The following PDE5A variants were observed in gnomAD, a reference collection of about 807,000 sequenced individuals.
PDE5A encodes the protein phosphodiesterase 5A.
A neutral mutation model predicts 110.2 loss-of-function variants in PDE5A; 67 were observed. The observed-to-expected ratio is 0.61, with a 90% CI of 0.50 to 0.75. The LOEUF (loss-of-function observed/expected upper bound fraction) is 0.75, where lower values mean the gene tolerates loss of function less well. Among genes scored for constraint, PDE5A ranks in the 30% least tolerant of loss-of-function variants. The pLI is 0.00. For missense variants in PDE5A, 862 were observed against 1,045.1 expected (o/e 0.82, Z 2.42); for synonymous variants, 328 against 351.2 (o/e 0.93, Z 0.74).
rs1347468882 is a variant in PDE5A at position 119,501,190 on chromosome 4, T to TG, written c.2469dup (p.Ile824HisfsTer7). 1 of 1,609,702 alleles carries TG rather than the reference T, an allele frequency of 6.2e-7. No homozygotes were observed. ...AATACCTCATACAGTTGCAAGCAGATGGCATCTATGAACCCAACTTGCATA... is the reference window on the plus strand; with the variant it reads ...AATACCTCATACAGTTGCAAGCAGATGGGCATCTATGAACCCAACTTGCATA... On this transcript the variant is annotated frameshift_variant, in exon 20 of 21. Transcript: ENST00000354960. LOFTEE classifies it high-confidence loss of function.
chr4:119,506,113 T>C (rs1345237399), intron 16 of PDE5A, among the ~76,000 whole-genome samples, 181 bp from the exon 17 acceptor site: 1 of 151,768 alleles, frequency 6.6e-6, no homozygotes, highest in East Asian at 1.9e-4. Flanking sequence ...CCCCCTTCTA[T>C]CATTTGCTTT....
chr4:119,514,257 A>T (rs1330844943), intron 14 of PDE5A, among the ~76,000 whole-genome samples: 1 of 152,158 alleles, frequency 6.6e-6, no homozygotes, highest in African/African-American at 2.4e-5. Flanking sequence ...AGCCTTAGAA[A>T]TCTATAGAAA....
At chr4:119,576,941 CA>C (rs1015053263) in intron 3 of PDE5A, among the ~76,000 whole-genome samples, 2 of 140,270 alleles carry the variant, frequency 1.4e-5, no homozygotes, top group African/African-American at 5.1e-5. Context: ...AGACTGCTAG[CA>C]AGACTAATAA....
intron 8 of PDE5A, 30 bp from the exon 9 acceptor site, chr4:119,552,667 T>C (rs1379146681): frequency 1.7e-6 from 2 of 1,198,416 alleles, no homozygotes; most frequent in Admixed American, 2.6e-5. Flanking sequence ...ACAAAACAGC[T>C]AAAATGGTAA....
rs1399807633 is a variant in PDE5A at position 119,525,853 on chromosome 4, CT to C, written c.1633-159del. 6.6e-6 allele frequency among the ~76,000 whole-genome samples: 1 copy of C among 151,968 alleles called. No individual in the cohort carries two copies. The highest frequency in any genetic ancestry group is 2.4e-5 in the African/African-American group (1 of 41,372). On this transcript the variant is annotated intron_variant, in intron 11 of 20. Coordinates refer to ENST00000354960, the MANE Select transcript of PDE5A (RefSeq NM_001083.4). This position sits in a 1 kb window ranked among gnomAD's most constrained non-coding sequence, Gnocchi z 4.3. Reference sequence around the variant, plus strand: ...ACCTTTTTGTACAGTGGCAACTCCACTCTCTGCATTTTTAAAACTGAGCCAC... The same window carrying C: ...ACCTTTTTGTACAGTGGCAACTCCACCTCTGCATTTTTAAAACTGAGCCAC...
chr4:119,585,582 AAG>A (rs1280912020), intron 3 of PDE5A, among the ~76,000 whole-genome samples: 1 of 152,202 alleles, frequency 6.6e-6, no homozygotes, highest in Non-Finnish European at 1.5e-5. Context: ...GTTTTAAGGA[AAG>A]AGAAAAATAA....
chr4:119,627,261 T>C lies in PDE5A; in HGVS notation c.152+1259A>G, dbSNP rs1730385520. 1 of 1,587,816 alleles carries C rather than the reference T, an allele frequency of 6.3e-7. No individual in the cohort carries two copies. The highest frequency in any genetic ancestry group is 2.3e-5 in the East Asian group (1 of 42,800). On this transcript the variant is annotated intron_variant, in intron 1 of 20. Coordinates refer to ENST00000354960, the MANE Select transcript of PDE5A (RefSeq NM_001083.4). The surrounding 1 kb of genome is among the most constrained non-coding windows in gnomAD (Gnocchi z 4.6). ...GGGGCAACAACGCGCGCAGGTGAGGTGAGGTGAGGTCGGCGACTCAGAACC... is the reference window on the plus strand; with the variant it reads ...GGGGCAACAACGCGCGCAGGTGAGGCGAGGTGAGGTCGGCGACTCAGAACC...
intron 12 of PDE5A, among the ~76,000 whole-genome samples, chr4:119,522,111 A>G (rs1421012340): frequency 6.6e-6 from 1 of 152,110 alleles, no homozygotes; most frequent in African/African-American, 2.4e-5. Context: ...AACTGCTTAT[A>G]AAGAACTTGG....
chr4:119,510,172 C>T (rs1725689071), intron 15 of PDE5A, among the ~76,000 whole-genome samples: 1 of 151,930 alleles, frequency 6.6e-6, no homozygotes, highest in South Asian at 2.1e-4. Flanking sequence ...CCCAGGAGTA[C>T]ACATTTTTGT....
intron 11 of PDE5A, among the ~76,000 whole-genome samples, chr4:119,528,339 G>A (rs1031329147): frequency 1.3e-5 from 2 of 152,084 alleles, no homozygotes. Context: ...TAATCTTTGA[G>A]TGCAGGAATG....
rs537615972 is a variant in PDE5A, at chr4:119,562,583, A to G, written c.1131+250T>C. On this transcript the variant is annotated intron_variant, in intron 6 of 20. Coordinates refer to ENST00000354960, the MANE Select transcript of PDE5A (RefSeq NM_001083.4). Reference sequence around the variant, plus strand: ...AGCAGCACACAGACATTCCCATGGTAACTATTTTCAGGAGGTTGGGATGGG... The same window carrying G: ...AGCAGCACACAGACATTCCCATGGTGACTATTTTCAGGAGGTTGGGATGGG... Among the ~76,000 whole-genome samples, 177 of 152,212 alleles carry G rather than the reference A, an allele frequency of 1.2e-3. 2 individuals are homozygous for G. Among genetic ancestry groups the G allele is most frequent in the Admixed American group, 1.2e-3 (19 of 15,286 alleles).
chr4:119,553,655 T>C lies in PDE5A; in HGVS notation c.1291A>G (p.Lys431Glu). ...PLNIPDVSKD[K>E]RFPWTTENTG... ...TTACTTACTGTCCAGGGAAATCTTTTATCCTTACTGACATCTGGGATATTA... is the reference window on the plus strand; with the variant it reads ...TTACTTACTGTCCAGGGAAATCTTTCATCCTTACTGACATCTGGGATATTA... The change falls in exon 8 of 21, where the codon AAA (lysine) becomes GAA (glutamate). Residue 431 changes from lysine to glutamate, a missense_variant. Physicochemically the swap from Lys to Glu is moderately conservative, Grantham distance 56 (BLOSUM62 1). Coordinates refer to ENST00000354960, the MANE Select transcript of PDE5A (RefSeq NM_001083.4). 6.4e-7 allele frequency: 1 copy of C among 1,565,108 alleles called. No individual in the cohort carries two copies. The highest frequency in any genetic ancestry group is 8.8e-7 in the Non-Finnish European group (1 of 1,135,432).
intron 3 of PDE5A, among the ~76,000 whole-genome samples, chr4:119,570,977 CT>C (rs1728121766): frequency 6.6e-6 from 1 of 152,160 alleles, no homozygotes; most frequent in Admixed American, 6.5e-5. Flanking sequence ...GCCATAAATA[CT>C]TTATTCAACA....
At chr4:119,623,372 G>A (rs926874533) in intron 1 of PDE5A, among the ~76,000 whole-genome samples, 1 of 152,104 alleles carries the variant, frequency 6.6e-6, no homozygotes, top group Non-Finnish European at 1.5e-5. Context: ...TTATTTAATT[G>A]TCCTACAGTC....
chr4:119,511,378 T>A (rs2110462139), intron 14 of PDE5A, among the ~76,000 whole-genome samples: 1 of 152,140 alleles, frequency 6.6e-6, no homozygotes, highest in African/African-American at 2.4e-5. Context: ...ATTTCATTGG[T>A]TTTAATACTG....
intron 1 of PDE5A, among the ~76,000 whole-genome samples, chr4:119,625,587 A>G (rs922495251): frequency 2.6e-5 from 4 of 152,222 alleles, no homozygotes; most frequent in Non-Finnish European, 5.9e-5. Context: ...GTGAATATAA[A>G]TATATTTTAA....
chr4:119,550,279 C>T (rs2110494288), intron 9 of PDE5A: 1 of 152,318 alleles, frequency 6.6e-6, no homozygotes, highest in South Asian at 2.1e-4. Flanking sequence ...TCTACATTTG[C>T]CTACTTTTGG....
intron 6 of PDE5A, among the ~76,000 whole-genome samples, chr4:119,560,657 T>C (rs190402085): frequency 1.6e-3 from 241 of 152,328 alleles, no homozygotes; most frequent in African/African-American, 5.5e-3. Context: ...AGTTTCAAAA[T>C]TTTTTACACT....
At chr4:119,523,576 T>C (rs1726204611) in intron 12 of PDE5A, among the ~76,000 whole-genome samples, 1 of 152,008 alleles carries the variant, frequency 6.6e-6, no homozygotes, top group South Asian at 2.1e-4. Context: ...ATAATAGTTA[T>C]TCAACCAGAA....
Sources: gnomAD v4.1 joint callset for allele counts (sites outside exome capture counted in the v4.1 genomes callset) on GRCh38, gnomAD v4.1.1 for gene constraint, Gnocchi (gnomAD v3.1) non-coding constraint, MANE v1.5 for transcripts, NCBI Gene and HGNC (gene_info 2026-07-23, HGNC 2026-07-21) for gene names.